The following ELMO2 variants were observed in gnomAD, a reference collection of about 807,000 sequenced individuals.
ELMO2 encodes the protein engulfment and cell motility 2.
A neutral mutation model predicts 96.2 loss-of-function variants in ELMO2; 37 were observed. That is an observed-to-expected ratio of 0.38 (90% CI 0.30 to 0.51). The LOEUF (loss-of-function observed/expected upper bound fraction) is 0.51. ELMO2 is among the 20% of genes least tolerant of loss of function. The pLI, the probability that ELMO2 is intolerant of heterozygous loss-of-function variation, is 0.88. For synonymous variants in ELMO2, 315 were observed against 329.4 expected, an observed-to-expected ratio of 0.96 and a Z score of 0.47; for missense variants, 561 against 912.6, an observed-to-expected ratio of 0.61 and a Z score of 4.96.
At chr20:46,392,182 T>G (rs1273839880) in intron 6 of ELMO2, among the ~76,000 whole-genome samples, 1 of 152,212 alleles carries the variant, frequency 6.6e-6, no homozygotes, top group Non-Finnish European at 1.5e-5. Context: ...CCTGACACTC[T>G]CCCTGCCCAA....
chr20:46,399,115 A>G (rs971333459), intron 1 of ELMO2, among the ~76,000 whole-genome samples: 1 of 152,212 alleles, frequency 6.6e-6, no homozygotes, highest in Admixed American at 6.5e-5. Flanking sequence ...AGAATTTGAT[A>G]CCAGGTTGTC....
At chr20:46,374,259 T>G in intron 15 of ELMO2, 73 bp downstream of exon 15, 1 of 1,272,758 alleles carries the variant, frequency 7.9e-7, no homozygotes, top group Non-Finnish European at 1.1e-6. Context: ...CATGTAACTG[T>G]TTATAATTTT....
intron 1 of ELMO2, among the ~76,000 whole-genome samples, chr20:46,400,019 C>T (rs1187145781): frequency 2.0e-5 from 3 of 151,956 alleles, no homozygotes; most frequent in Non-Finnish European, 4.4e-5. Flanking sequence ...TGCCTGTAGT[C>T]CCTAGCTACT....
At position 46,379,581 on chromosome 20, in the gene ELMO2, G is replaced by A. The variant is rs568953049; in HGVS notation, c.807+672C>T. Reference sequence around the variant, plus strand: ...ACTAACCTTTCCTGATCTGGTCCTCGCTACCTCTCTAGCCTCCTCATCTAC... The same window carrying A: ...ACTAACCTTTCCTGATCTGGTCCTCACTACCTCTCTAGCCTCCTCATCTAC... On this transcript the variant is annotated intron_variant, in intron 11 of 21. Coordinates refer to ENST00000290246, the MANE Select transcript of ELMO2 (RefSeq NM_133171.5). Among the ~76,000 whole-genome samples the A allele has an allele frequency of 2.3e-4, 35 of 152,104 alleles. No homozygotes were observed. The South Asian group carries it at 7.3e-3, about 32-fold the overall frequency.
chr20:46,380,001 C>A, intron 11 of ELMO2: 1 of 342,834 alleles, frequency 2.9e-6, no homozygotes. Flanking sequence ...AGTTGCAGGG[C>A]AACAAACAGT....
At chr20:46,401,664 T>G (rs1282190147) in intron 1 of ELMO2, among the ~76,000 whole-genome samples, 1 of 152,186 alleles carries the variant, frequency 6.6e-6, no homozygotes, top group Non-Finnish European at 1.5e-5. Context: ...CAGATTCGCT[T>G]TTGCAGATGC....
intron 2 of ELMO2, among the ~76,000 whole-genome samples, chr20:46,394,906 T>C (rs1233183300): frequency 1.3e-5 from 2 of 152,192 alleles, no homozygotes; most frequent in Non-Finnish European, 2.9e-5. Flanking sequence ...CAGCCTTTTC[T>C]TGGTTGAGTG....
At chr20:46,387,582 G>A (rs1402844398) in intron 7 of ELMO2, 145 bp from the exon 8 acceptor site, 4 of 511,818 alleles carry the variant, frequency 7.8e-6, no homozygotes, top group Non-Finnish European at 1.1e-5. Context: ...AAGTGCCTGT[G>A]TGCACACCTA....
intron 1 of ELMO2, among the ~76,000 whole-genome samples, chr20:46,405,888 A>G (rs554771259): frequency 6.6e-6 from 1 of 152,188 alleles, no homozygotes; most frequent in East Asian, 1.9e-4. Flanking sequence ...CGTCTCGGAA[A>G]GGTTTCAAAA....
intron 21 of ELMO2, 26 bp from the exon 22 acceptor site, chr20:46,367,586 C>A: frequency 1.3e-6 from 2 of 1,575,142 alleles, no homozygotes; most frequent in South Asian, 1.2e-5. Context: ...TGCAAAATGT[C>A]ACATCGTGAC....
At chr20:46,378,140 A>G (rs2059897391) in intron 11 of ELMO2, among the ~76,000 whole-genome samples, 1 of 152,360 alleles carries the variant, frequency 6.6e-6, no homozygotes, top group Non-Finnish European at 1.5e-5. Flanking sequence ...AAGGTAATTA[A>G]TTATCCTAGC....
intron 1 of ELMO2, among the ~76,000 whole-genome samples, 171 bp downstream of exon 1, chr20:46,406,377 G>C (rs988665670): frequency 6.6e-6 from 1 of 152,042 alleles, no homozygotes; most frequent in African/African-American, 2.4e-5. Context: ...CCACCCCTCG[G>C]GGGCCTGACG....
chr20:46,366,371 GTGC>G lies in ELMO2; in HGVS notation c.*986_*988del, dbSNP rs937156477. The G allele has an allele frequency of 1.4e-4, 21 of 152,850 alleles. No individual in the cohort carries two copies. In the East Asian group the frequency reaches 4.1e-3, roughly 29 times the overall value. The allele number at this position is 152,850 out of a possible 1,614,324, so 9.5% of individuals were successfully genotyped here. A position where few individuals can be genotyped will look rare whatever the true frequency, so the allele number is the denominator to read the frequency against. On this transcript the variant is annotated 3_prime_UTR_variant, in exon 22 of 22. Coordinates refer to ENST00000290246, the MANE Select transcript of ELMO2 (RefSeq NM_133171.5). ...GAGAGGCTGTGTGTGTGGTTTACAA[GTGC>G]TGCAGCACCAGGGAAGCCCCACTGG...
At chr20:46,403,041 G>C (rs1221522366) in intron 1 of ELMO2, among the ~76,000 whole-genome samples, 1 of 152,208 alleles carries the variant, frequency 6.6e-6, no homozygotes, top group Non-Finnish European at 1.5e-5. Context: ...ACCCCGTAAA[G>C]CTGTTGTGAG....
chr20:46,370,671 G>T (rs868223798), intron 19 of ELMO2, 146 bp from the exon 20 acceptor site: 16 of 746,176 alleles, frequency 2.1e-5, no homozygotes, highest in Middle Eastern at 2.4e-4. Flanking sequence ...CTCAGTGAGG[G>T]TGGTGGGGAG....
chr20:46,401,138 C>T (rs1179853450), intron 1 of ELMO2, among the ~76,000 whole-genome samples: 2 of 152,180 alleles, frequency 1.3e-5, no homozygotes, highest in Non-Finnish European at 2.9e-5. Flanking sequence ...ATCAAGAAGG[C>T]AAGTTGGAGT....
intron 9 of ELMO2, among the ~76,000 whole-genome samples, 170 bp downstream of exon 9, chr20:46,385,954 G>A (rs528885555): frequency 1.3e-5 from 2 of 152,270 alleles, no homozygotes; most frequent in Admixed American, 6.5e-5. Flanking sequence ...ACATGATCAA[G>A]TCTGAATGAT....
At position 46,398,909 on chromosome 20, in the gene ELMO2, C is replaced by T. The variant is rs1450429351; in HGVS notation, c.-125-138G>A. 2.6e-5 allele frequency: 4 copies of T among 152,214 alleles called. No individual in the cohort carries two copies. In the South Asian group the frequency reaches 6.2e-4, roughly 24 times the overall value. 9.4% of individuals were successfully genotyped at this position (152,214 alleles called of 1,614,324 possible). ...GTTCTCATCGCTCTATATAATACTT[C>T]CTTAGATGATGACATTAGCTAGCAA... On this transcript the variant is annotated intron_variant, in intron 1 of 21. Transcript: ENST00000290246.
intron 11 of ELMO2, among the ~76,000 whole-genome samples, chr20:46,377,599 T>A (rs2059885807): frequency 6.6e-6 from 1 of 152,200 alleles, no homozygotes; most frequent in Non-Finnish European, 1.5e-5. Context: ...TTATTTAAAG[T>A]ACTACACATG....
Sources: allele counts gnomAD v4.1 joint callset (sites outside exome capture counted in the v4.1 genomes callset), GRCh38; gene constraint gnomAD v4.1.1; transcripts MANE v1.5; gene names NCBI Gene and HGNC (gene_info 2026-07-23, HGNC 2026-07-21).